Variants in DNAJB6 observed in about 807,000 individuals in gnomAD.
The protein encoded by DNAJB6 is dnaJ homolog subfamily B member 6.
DNAJB6 carries 16 observed loss-of-function variants against 42.7 expected under a neutral mutation model. The ratio of observed to expected loss-of-function variants is 0.37; its 90% confidence interval spans 0.25 to 0.57. The LOEUF is 0.57. Ranked by LOEUF, DNAJB6 falls within the 20% of genes least tolerant of loss-of-function variation. The pLI is 0.74. For missense variants in DNAJB6, 347 were observed against 416.8 expected, an observed-to-expected ratio of 0.83 and a Z score of 1.46; for synonymous variants, 170 against 163.5, an observed-to-expected ratio of 1.04 and a Z score of -0.30.
At chr7:157,383,978 CTT>C (rs1453205952) in intron 6 of DNAJB6, among the ~76,000 whole-genome samples, 1 of 152,130 alleles carries the variant, frequency 6.6e-6, no homozygotes, top group African/African-American at 2.4e-5. Context: ...AAAAGGTAAA[CTT>C]AACATACCTG....
intron 5 of DNAJB6, among the ~76,000 whole-genome samples, chr7:157,376,153 A>C (rs1195757558): frequency 6.6e-6 from 1 of 152,182 alleles, no homozygotes; most frequent in Non-Finnish European, 1.5e-5. Flanking sequence ...AGCTCAGAGA[A>C]AATGTGTGGG....
At chr7:157,400,759 T>C (rs1041566082) in intron 8 of DNAJB6, among the ~76,000 whole-genome samples, 6 of 152,116 alleles carry the variant, frequency 3.9e-5, no homozygotes, top group Admixed American at 2.6e-4. Context: ...GGGCAGGAAC[T>C]GTGGGTGGGC....
At chr7:157,350,409 T>G (rs780854221) in intron 1 of DNAJB6, among the ~76,000 whole-genome samples, 1 of 152,176 alleles carries the variant, frequency 6.6e-6, no homozygotes, top group Non-Finnish European at 1.5e-5. Context: ...ATAATTTGAA[T>G]AAGGACCAAA....
intron 1 of DNAJB6, among the ~76,000 whole-genome samples, chr7:157,345,625 G>T (rs1426132798): frequency 6.6e-6 from 1 of 152,172 alleles, no homozygotes; most frequent in East Asian, 1.9e-4. Flanking sequence ...TCAGTGTGAT[G>T]TAATCCCACT....
intron 5 of DNAJB6, among the ~76,000 whole-genome samples, chr7:157,371,032 C>T (rs567381426): frequency 1.3e-5 from 2 of 152,106 alleles, no homozygotes; most frequent in African/African-American, 2.4e-5. Context: ...TGCCTGAGCC[C>T]CACCTCCTAT....
At chr7:157,352,189 C>T (rs1308512753) in intron 1 of DNAJB6, among the ~76,000 whole-genome samples, 2 of 151,676 alleles carry the variant, frequency 1.3e-5, no homozygotes, top group African/African-American at 4.8e-5. Context: ...ATTAGCTAGG[C>T]GTGGTGGTGG....
intron 6 of DNAJB6, among the ~76,000 whole-genome samples, chr7:157,384,584 CAG>C (rs933551225): frequency 3.3e-5 from 5 of 152,164 alleles, no homozygotes; most frequent in African/African-American, 1.2e-4. Context: ...TTTGGCATGT[CAG>C]AAAAGCTGCT....
intron 5 of DNAJB6, chr7:157,378,187 C>G (rs1343591486): frequency 6.6e-6 from 1 of 152,212 alleles, no homozygotes; most frequent in Non-Finnish European, 1.5e-5. Flanking sequence ...TTCCACTGCC[C>G]ATTCTGTGGT....
intron 1 of DNAJB6, among the ~76,000 whole-genome samples, chr7:157,344,656 G>A (rs974247213): frequency 6.6e-6 from 1 of 151,852 alleles, no homozygotes; most frequent in South Asian, 2.1e-4. Context: ...GCTCCGTTAC[G>A]TAGGCTGGAG....
At chr7:157,400,567 T>C (rs1407337630) in intron 8 of DNAJB6, among the ~76,000 whole-genome samples, 1 of 152,208 alleles carries the variant, frequency 6.6e-6, no homozygotes, top group East Asian at 1.9e-4. Flanking sequence ...GGGTGGGCTG[T>C]GTTTACGTTC....
chr7:157,391,062 T>C (rs1011836282), intron 8 of DNAJB6, among the ~76,000 whole-genome samples: 1 of 152,166 alleles, frequency 6.6e-6, no homozygotes, highest in African/African-American at 2.4e-5. Context: ...TCTTGAACTC[T>C]TGGGCTCGAG....
chr7:157,351,846 T>C (rs1316062244), intron 1 of DNAJB6, among the ~76,000 whole-genome samples: 2 of 146,198 alleles, frequency 1.4e-5, no homozygotes, highest in African/African-American at 5.1e-5. Context: ...CACAAAAAAT[T>C]AGTCGGTGTG....
At chr7:157,383,611 T>TTG (rs57002445) in intron 6 of DNAJB6, among the ~76,000 whole-genome samples, 13,703 of 149,570 alleles carry the variant, frequency 0.092, 687 homozygotes, top group African/African-American at 0.12. Context: ...GTATGTGTGT[T>TTG]TGTGTGTGTG....
rs60806134 is a variant in DNAJB6 at position 157,346,316 on chromosome 7, TAAAAA to T, written c.-27+9189_-27+9193del. Among the ~76,000 whole-genome samples the T allele has an allele frequency of 6.0e-3, 711 of 117,720 alleles. 20 individuals are homozygous for T. The highest frequency in any genetic ancestry group is 0.027 in the Admixed American group (270 of 10,114). 77.2% of individuals were successfully genotyped at this position (117,720 alleles called of 152,430 possible). A position where few individuals can be genotyped will look rare whatever the true frequency, so the allele number is the denominator to read the frequency against. ...GGTAGCCCTGCTCTGCAAGGAGTAGTAAAAAAAAAAAAAAAAAAAAAGTTAAAGAT... is the reference window on the plus strand; with the variant it reads ...GGTAGCCCTGCTCTGCAAGGAGTAGTAAAAAAAAAAAAAAAAGTTAAAGAT... On this transcript the variant is annotated intron_variant, in intron 1 of 9. Transcript: ENST00000262177.
At chr7:157,404,291 T>G (rs1236356123) in intron 8 of DNAJB6, among the ~76,000 whole-genome samples, 2 of 148,320 alleles carry the variant, frequency 1.3e-5, no homozygotes, top group African/African-American at 5.0e-5. Flanking sequence ...GCAGTTTTTT[T>G]TTTCTTTTTC....
intron 1 of DNAJB6, among the ~76,000 whole-genome samples, chr7:157,348,034 G>T (rs1798776610): frequency 6.6e-6 from 1 of 152,010 alleles, no homozygotes; most frequent in Non-Finnish European, 1.5e-5. Flanking sequence ...GACCTCAGGT[G>T]ATCCACCTAC....
At position 157,337,004 on chromosome 7, in the gene DNAJB6, CTGTT is replaced by C. The variant is rs1798068526; in HGVS notation, c.-162_-159del. The stretch of plus-strand genomic sequence containing the variant: ...GTGCCGCCGCCGCGTGACGCATTTC[CTGTT>C]TGTTGTTGGAGAAAGGAGAGAAAGG... On this transcript the variant is annotated 5_prime_UTR_variant, in exon 1 of 10. Coordinates refer to ENST00000262177, the MANE Select transcript of DNAJB6 (RefSeq NM_058246.4). 6.6e-6 allele frequency: 1 copy of C among 152,642 alleles called. No homozygotes were observed. The highest frequency in any genetic ancestry group is 1.5e-5 in the Non-Finnish European group (1 of 68,430). The allele number at this position is 152,642 out of a possible 1,614,324, so 9.5% of individuals were successfully genotyped here. A position where few individuals can be genotyped will look rare whatever the true frequency, so the allele number is the denominator to read the frequency against.
intron 8 of DNAJB6, among the ~76,000 whole-genome samples, chr7:157,386,613 A>T (rs975698042): frequency 1.9e-5 from 2 of 103,808 alleles, no homozygotes; most frequent in African/African-American, 6.3e-5. Context: ...CGGGCGCGGT[A>T]GCTCAACGCC....
At chr7:157,406,146 G>C (rs1393489318) in intron 8 of DNAJB6, among the ~76,000 whole-genome samples, 1 of 152,252 alleles carries the variant, frequency 6.6e-6, no homozygotes, top group African/African-American at 2.4e-5. Context: ...GGTGACCCCT[G>C]CTGGCACATC....
Sources: allele counts gnomAD v4.1 joint callset (sites outside exome capture counted in the v4.1 genomes callset), GRCh38; gene constraint gnomAD v4.1.1; transcripts MANE v1.5; gene names NCBI Gene and HGNC (gene_info 2026-07-23, HGNC 2026-07-21).